The following GNB1 variants were observed in gnomAD, a reference collection of about 807,000 sequenced individuals.
GNB1 encodes the protein guanine nucleotide-binding protein G(I)/G(S)/G(T) subunit beta-1.
In GNB1, 2 loss-of-function variants were observed where a neutral mutation model predicts 42.9. The ratio of observed to expected loss-of-function variants is 0.05; its 90% confidence interval spans 0.02 to 0.15. The LOEUF is 0.15. Ranked by LOEUF, GNB1 falls within the 10% of genes least tolerant of loss-of-function variation. The probability of loss-of-function intolerance (pLI) is 1.00; values close to 1 mark genes in which losing one functional copy is unlikely to be tolerated. For missense variants in GNB1, 193 were observed against 462.2 expected (o/e 0.42, Z 5.34); for synonymous variants, 183 against 174.7 (o/e 1.05, Z -0.38).
chr1:1,850,067 C>T (rs538838851), intron 1 of GNB1, among the ~76,000 whole-genome samples: 1 of 152,178 alleles, frequency 6.6e-6, no homozygotes, highest in African/African-American at 2.4e-5. Flanking sequence ...CTCCCAGGTT[C>T]AAGTGATTGT....
Position 1,850,997 on chromosome 1 carries a change from C to T in GNB1, c.-95-11759G>A, listed in dbSNP as rs186287078. 4.4e-3 allele frequency among the ~76,000 whole-genome samples: 675 copies of T among 152,276 alleles called. 18 individuals are homozygous for T. Among genetic ancestry groups the T allele is most frequent in the Non-Finnish European group, 1.4e-3 (96 of 68,028 alleles). On this transcript the variant is annotated intron_variant, in intron 1 of 11. Transcript: ENST00000378609. ...CAAAAACATACTGGCCGGCCAGGCG[C>T]GGTGGCTTACGCCTGTAATCCCAGC...
chr1:1,890,900 C>G lies in GNB1; in HGVS notation c.-176G>C, dbSNP rs1270981292. On this transcript the variant is annotated 5_prime_UTR_variant, in exon 1 of 12. Transcript: ENST00000378609. ...GGCAGGTCGTCGCGCTCGGGCCGCGCTGCGCGCTCCGCGGGCGCTGCGGGC... is the reference window on the plus strand; with the variant it reads ...GGCAGGTCGTCGCGCTCGGGCCGCGGTGCGCGCTCCGCGGGCGCTGCGGGC... The G allele has an allele frequency of 2.7e-5, 4 of 147,256 alleles. No homozygotes were observed. Among genetic ancestry groups the G allele is most frequent in the Non-Finnish European group, 6.1e-5 (4 of 65,934 alleles). The allele number at this position is 147,256 out of a possible 1,614,324, so 9.1% of individuals were successfully genotyped here.
intron 1 of GNB1, among the ~76,000 whole-genome samples, chr1:1,874,542 G>A (rs1649428868): frequency 6.8e-6 from 1 of 146,130 alleles, no homozygotes; most frequent in African/African-American, 2.5e-5. Flanking sequence ...TGGAGGCAGA[G>A]GTTGCAGTGA....
At chr1:1,796,772 G>A (rs556311445) in intron 7 of GNB1, among the ~76,000 whole-genome samples, 7 of 152,304 alleles carry the variant, frequency 4.6e-5, no homozygotes, top group African/African-American at 1.7e-4. Context: ...GCTGAAACGC[G>A]GCCTGGGGAC....
intron 8 of GNB1, 52 bp downstream of exon 8, chr1:1,793,193 G>T: frequency 1.8e-6 from 2 of 1,085,344 alleles, no homozygotes; most frequent in Non-Finnish European, 2.8e-6. Flanking sequence ...AGAGGAATGT[G>T]CCAGGGGCTG....
At chr1:1,838,953 TG>T (rs1647186698) in intron 2 of GNB1, among the ~76,000 whole-genome samples, 3 of 152,182 alleles carry the variant, frequency 2.0e-5, no homozygotes, top group Admixed American at 6.5e-5. Context: ...AGAAAAAAAC[TG>T]TAACAAAAAC....
chr1:1,875,551 C>T (rs988104105), intron 1 of GNB1, among the ~76,000 whole-genome samples: 14 of 152,078 alleles, frequency 9.2e-5, no homozygotes, highest in African/African-American at 3.4e-4. Context: ...TGCTCTGTCA[C>T]AGGTTGGAGT....
At chr1:1,855,392 T>TTAAAA (rs1470821384) in intron 1 of GNB1, among the ~76,000 whole-genome samples, 3 of 148,854 alleles carry the variant, frequency 2.0e-5, no homozygotes, top group African/African-American at 7.4e-5. Context: ...CAGCAATGAC[T>TTAAAA]TAAAAAGCAA....
chr1:1,824,451 G>T (rs1341847077), intron 3 of GNB1, among the ~76,000 whole-genome samples: 1 of 152,034 alleles, frequency 6.6e-6, no homozygotes, highest in Non-Finnish European at 1.5e-5. Context: ...TCAAATAAAA[G>T]TTTATGAACT....
chr1:1,873,951 C>T (rs1214221888), intron 1 of GNB1, among the ~76,000 whole-genome samples: 1 of 152,174 alleles, frequency 6.6e-6, no homozygotes, highest in Non-Finnish European at 1.5e-5. Flanking sequence ...CAAGAGGGAA[C>T]GCATACCTGC....
At chr1:1,882,426 CAAAAAAAAAAAAA>C (rs5772052) in intron 1 of GNB1, among the ~76,000 whole-genome samples, 5 of 71,610 alleles carry the variant, frequency 7.0e-5, no homozygotes, top group South Asian at 5.0e-4. Flanking sequence ...GACTCCAACT[CAAAAAAAAAAAAA>C]AAAAAAAAAA....
chr1:1,864,493 T>G (rs1400298601), intron 1 of GNB1, among the ~76,000 whole-genome samples: 1 of 151,934 alleles, frequency 6.6e-6, no homozygotes, highest in Non-Finnish European at 1.5e-5. Context: ...CATCACAAGT[T>G]ATTCCCTCCG....
intron 7 of GNB1, among the ~76,000 whole-genome samples, chr1:1,804,214 G>A (rs938178218): frequency 1.4e-4 from 21 of 151,940 alleles, no homozygotes; most frequent in African/African-American, 4.3e-4. Context: ...GGGGAATGGC[G>A]TGAACACCCA....
chr1:1,792,054 A>G (rs536398726), intron 8 of GNB1, among the ~76,000 whole-genome samples: 55 of 152,156 alleles, frequency 3.6e-4, no homozygotes, highest in Non-Finnish European at 7.4e-4. Flanking sequence ...ATCATGCCTC[A>G]GAAGACCAGA....
intron 7 of GNB1, among the ~76,000 whole-genome samples, chr1:1,800,729 C>CT (rs984587730): frequency 7.4e-6 from 1 of 135,628 alleles, no homozygotes; most frequent in Non-Finnish European, 1.6e-5. Flanking sequence ...GTGCAAACTG[C>CT]TAAAAACCAA....
At chr1:1,842,223 G>A (rs999859610) in intron 1 of GNB1, among the ~76,000 whole-genome samples, 15 of 152,234 alleles carry the variant, frequency 9.9e-5, no homozygotes, top group Non-Finnish European at 2.2e-4. Flanking sequence ...AAGGTCAGCA[G>A]ATTGAGACCA....
intron 1 of GNB1, among the ~76,000 whole-genome samples, chr1:1,855,300 T>A (rs1163094251): frequency 7.2e-6 from 1 of 138,870 alleles, no homozygotes. Context: ...CCAGCCTGGG[T>A]GACACAGCAA....
chr1:1,875,837 TC>T (rs59528461), intron 1 of GNB1, among the ~76,000 whole-genome samples: 146,454 of 151,342 alleles, frequency 0.97, 70,898 homozygotes, highest in East Asian at 1. Flanking sequence ...TTCAACAGTG[TC>T]CCCCCCCCCA....
chr1:1,872,142 C>T (rs182728319), intron 1 of GNB1, among the ~76,000 whole-genome samples: 1 of 151,950 alleles, frequency 6.6e-6, no homozygotes, highest in Admixed American at 6.6e-5. Flanking sequence ...GCTGGAACTA[C>T]AAGTGTATGC....
Sources: gnomAD v4.1 joint callset for allele counts (sites outside exome capture counted in the v4.1 genomes callset) on GRCh38, gnomAD v4.1.1 for gene constraint, MANE v1.5 for transcripts, NCBI Gene and HGNC (gene_info 2026-07-23, HGNC 2026-07-21) for gene names.